CYP3A4: variants seen among roughly 807,000 people sequenced by gnomAD.
CYP3A4 encodes the protein cytochrome P450 family 3 subfamily A member 4.
In CYP3A4, 41 loss-of-function variants were observed where a neutral mutation model predicts 54.9. The ratio of observed to expected loss-of-function variants is 0.75; its 90% CI spans 0.58 to 0.97. The LOEUF is 0.97. Among genes scored for constraint, CYP3A4 ranks in the 50% least tolerant of loss-of-function variants. The pLI, the probability that CYP3A4 is intolerant of heterozygous loss-of-function variation, is 0.00. For missense variants in CYP3A4, 510 were observed against 597.3 expected (o/e 0.85, Z 1.52); for synonymous variants, 179 against 205.2 (o/e 0.87, Z 1.09).
intron 4 of CYP3A4, 56 bp downstream of exon 4, chr7:99,772,534 T>A: frequency 6.2e-7 from 1 of 1,602,418 alleles, no homozygotes; most frequent in Non-Finnish European, 8.5e-7. Flanking sequence ...TATATAAGAA[T>A]TTCAAAATAT....
chr7:99,767,786 A>G (rs887674423), intron 7 of CYP3A4, among the ~76,000 whole-genome samples: 74 of 152,214 alleles, frequency 4.9e-4, no homozygotes, highest in Non-Finnish European at 6.2e-4. Flanking sequence ...AAAAGGGCAA[A>G]TAGAAACTGT....
chr7:99,766,538 T>C, intron 8 of CYP3A4, 95 bp from the exon 9 acceptor site: 2 of 1,495,898 alleles, frequency 1.3e-6, no homozygotes, highest in Non-Finnish European at 9.3e-7. Context: ...TCTGAGAATA[T>C]GGCTCCTTGA....
intron 9 of CYP3A4, 76 bp from the exon 10 acceptor site, chr7:99,764,091 A>G: frequency 6.2e-7 from 1 of 1,601,080 alleles, no homozygotes; most frequent in Non-Finnish European, 8.5e-7. Flanking sequence ...GAGAAATCTA[A>G]GTGAAGCCCT....
At chr7:99,766,472 C>T (rs748217851) in intron 8 of CYP3A4, 29 bp from the exon 9 acceptor site, 3 of 1,613,178 alleles carry the variant, frequency 1.9e-6, no homozygotes, top group Non-Finnish European at 2.5e-6. Context: ...ATTTCACTGA[C>T]AGAAAGTGGC....
In CYP3A4 at chr7:99,771,897, G is replaced by A. The variant is rs145788228; in HGVS notation, c.318+693C>T. On this transcript the variant is annotated intron_variant, in intron 4 of 12. Coordinates refer to ENST00000651514, the MANE Select transcript of CYP3A4 (RefSeq NM_017460.6). ...GACAGCCATAAGCCACAAAAAAAAT[G>A]AACCTTGATCTAAATCTCATACCTT... Among the ~76,000 whole-genome samples, 278 of 152,198 alleles carry A rather than the reference G, an allele frequency of 1.8e-3. 1 individual carries two copies. Among genetic ancestry groups the A allele is most frequent in the Middle Eastern group, 0.01 (3 of 294 alleles).
chr7:99,770,480 C>A (rs1327442033), intron 4 of CYP3A4, among the ~76,000 whole-genome samples: 2 of 152,156 alleles, frequency 1.3e-5, no homozygotes, highest in African/African-American at 4.8e-5. Context: ...CGTCTCCAGC[C>A]TCTATATCCC....
chr7:99,777,017 C>T (rs1238647443), intron 3 of CYP3A4, among the ~76,000 whole-genome samples: 13 of 152,044 alleles, frequency 8.6e-5, no homozygotes, highest in Admixed American at 8.5e-4. Context: ...ATGAAAAGTT[C>T]CACACTTGCA....
At chr7:99,779,714 T>C (rs897085249) in intron 2 of CYP3A4, among the ~76,000 whole-genome samples, 4 of 152,180 alleles carry the variant, frequency 2.6e-5, no homozygotes, top group Non-Finnish European at 5.9e-5. Flanking sequence ...AAGAAAACCT[T>C]CTTTATGGCG....
intron 6 of CYP3A4, 29 bp downstream of exon 6, chr7:99,769,739 C>T (rs1233630522): frequency 1.2e-6 from 2 of 1,611,952 alleles, no homozygotes; most frequent in Admixed American, 1.7e-5. Flanking sequence ...CATGACAGCT[C>T]AGAACCCCAT....
rs148316437 is a variant in CYP3A4 at position 99,765,054 on chromosome 7, G to GAT, written c.866-1041_866-1040dup. ...GTGTGAGAAAGGTCGACAGAGCTGT[G>GAT]ATTTACCAGTGAAGACTTCTGTGAT... On this transcript the variant is annotated intron_variant, in intron 9 of 12. Coordinates refer to ENST00000651514, the MANE Select transcript of CYP3A4 (RefSeq NM_017460.6). Among the ~76,000 whole-genome samples the GAT allele has an allele frequency of 8.6e-3, 1,307 of 152,296 alleles. 22 individuals carry two copies. Among genetic ancestry groups the GAT allele is most frequent in the Admixed American group, 0.02 (300 of 15,302 alleles).
rs1221668126 is a variant in CYP3A4, at chr7:99,758,144, T to A, written c.1501A>T (p.Ser501Cys). Reference protein sequence around the residue: ...LKVESRDGTVSGA With the variant: ...LKVESRDGTVCGA ...GTCCTTAGGAAAATTCAGGCTCCAC[T>A]TACGGTGCCATCCCTTGACTCAACC... is the stretch of plus-strand genomic sequence containing the variant. The change falls in exon 13 of 13, where the codon AGT becomes TGT. Residue 501 changes from serine (S) to cysteine (C), a missense_variant. By Grantham distance (112) the Ser-to-Cys change is moderately radical. Coordinates refer to ENST00000651514, the MANE Select transcript of CYP3A4 (RefSeq NM_017460.6). 6.2e-7 allele frequency: 1 copy of A among 1,613,800 alleles called. No homozygotes were observed. Among genetic ancestry groups the A allele is most frequent in the African/African-American group, 1.3e-5 (1 of 74,936 alleles).
chr7:99,777,715 T>G (rs1424306580), intron 3 of CYP3A4, among the ~76,000 whole-genome samples: 4 of 152,278 alleles, frequency 2.6e-5, no homozygotes, highest in African/African-American at 7.2e-5. Context: ...GCGTCACCCT[T>G]GTTACTGATC....
chr7:99,771,984 A>G (rs1018225605), intron 4 of CYP3A4, among the ~76,000 whole-genome samples: 1 of 152,224 alleles, frequency 6.6e-6, no homozygotes, highest in Non-Finnish European at 1.5e-5. Context: ...AAACTTTATG[A>G]CTTTTAGAAA....
chr7:99,774,233 A>C (rs572677434), intron 3 of CYP3A4, among the ~76,000 whole-genome samples: 116 of 152,286 alleles, frequency 7.6e-4, no homozygotes, highest in African/African-American at 2.5e-3. Context: ...CCAGGACCAA[A>C]TGGATTCACA....
chr7:99,775,275 T>A (rs1815734376), intron 3 of CYP3A4, among the ~76,000 whole-genome samples: 1 of 152,112 alleles, frequency 6.6e-6, no homozygotes, highest in African/African-American at 2.4e-5. Flanking sequence ...CCCAAGGTAA[T>A]TTATAGATTC....
intron 6 of CYP3A4, chr7:99,769,522 A>G: frequency 1.9e-6 from 1 of 512,830 alleles, no homozygotes; most frequent in Non-Finnish European, 3.5e-6. Context: ...TAGAATATCC[A>G]AGGTGACAAT....
At chr7:99,772,800 C>A (rs573691243) in intron 3 of CYP3A4, 111 bp from the exon 4 acceptor site, 3 of 1,092,636 alleles carry the variant, frequency 2.7e-6, no homozygotes, top group African/African-American at 1.6e-5. Context: ...CTTAGTTGTA[C>A]AATACACAGT....
chr7:99,784,146 G>A lies in CYP3A4; in HGVS notation c.-65C>T. The stretch of plus-strand genomic sequence containing the variant: ...TTTCAGCTCTGTGTTGCTCTTTGCT[G>A]GGCTATGTGCATGGAGCTTTCCTGC... On this transcript the variant is annotated 5_prime_UTR_variant, in exon 1 of 13. An upstream open reading frame in the 5' UTR gains an earlier in-frame stop. Transcript: ENST00000651514. 6.8e-7 allele frequency: 1 copy of A among 1,473,468 alleles called. No homozygotes were observed. Among genetic ancestry groups the A allele is most frequent in the Non-Finnish European group, 9.5e-7 (1 of 1,053,484 alleles). The allele number at this position is 1,473,468 out of a possible 1,614,324, so 91.3% of individuals were successfully genotyped here. A position where few individuals can be genotyped will look rare whatever the true frequency, so the allele number is the denominator to read the frequency against.
At chr7:99,763,776 A>G in intron 10 of CYP3A4, 79 bp downstream of exon 10, 1 of 1,531,644 alleles carries the variant, frequency 6.5e-7, no homozygotes, top group Non-Finnish European at 8.9e-7. Context: ...TTTTATAAAA[A>G]TTCTCCTGGG....
Sources: allele counts gnomAD v4.1 joint callset (sites outside exome capture counted in the v4.1 genomes callset), GRCh38; gene constraint gnomAD v4.1.1; transcripts MANE v1.5; gene names NCBI Gene and HGNC (gene_info 2026-07-23, HGNC 2026-07-21).